The following ZC3H12B variants were observed in gnomAD, a reference collection of about 807,000 sequenced individuals.
ZC3H12B encodes the protein zinc finger CCCH-type containing 12B, also known as probable ribonuclease ZC3H12B.
ZC3H12B carries 7 observed loss-of-function variants against 43.9 expected under a neutral mutation model. The observed-to-expected ratio is 0.16, with a 90% CI of 0.09 to 0.30. The LOEUF (loss-of-function observed/expected upper bound fraction) is 0.30. ZC3H12B is among the 10% of genes least tolerant of loss of function. The probability of loss-of-function intolerance (pLI) is 1.00; values close to 1 mark genes in which losing one functional copy is unlikely to be tolerated. For missense variants in ZC3H12B, 475 were observed against 670.2 expected, an observed-to-expected ratio of 0.71 and a Z score of 3.22; for synonymous variants, 222 against 241.7, an observed-to-expected ratio of 0.92 and a Z score of 0.76.
chrX:65,163,948 C>T, the ZC3H12B span, among the ~76,000 whole-genome samples: 1 of 111,955 alleles, frequency 8.9e-6, no homozygotes. Context: ...TTAATGTAAG[C>T]AAATATTTTA....
At chrX:65,315,725 C>T in the ZC3H12B span, among the ~76,000 whole-genome samples, 1 of 112,150 alleles carries the variant, frequency 8.9e-6, no homozygotes, top group Non-Finnish European at 1.9e-5. Context: ...TGAGAAAGAA[C>T]CAGCACAAGA....
At chrX:65,226,104 A>C in the ZC3H12B span, among the ~76,000 whole-genome samples, 1 of 111,720 alleles carries the variant, frequency 9.0e-6, no homozygotes, top group Non-Finnish European at 1.9e-5. Context: ...TGAAGGAAAA[A>C]ATGTTAAGGG....
chrX:65,189,029 G>T, the ZC3H12B span, among the ~76,000 whole-genome samples: 4 of 95,923 alleles, frequency 4.2e-5, no homozygotes, highest in Admixed American at 3.7e-4. Context: ...TCTCACCTAT[G>T]AGTGAGAATA....
chrX:65,334,549 G>GA, the ZC3H12B span, among the ~76,000 whole-genome samples: 5 of 111,527 alleles, frequency 4.5e-5, no homozygotes, highest in Non-Finnish European at 9.4e-5. Flanking sequence ...TTGCTTTTCT[G>GA]AAAAAAATAT....
At chrX:65,072,233 T>C in the ZC3H12B span, among the ~76,000 whole-genome samples, 5 of 112,372 alleles carry the variant, frequency 4.4e-5, no homozygotes, top group Admixed American at 4.7e-4. Flanking sequence ...TTCCTCTTGG[T>C]CCATTCTGCT....
chrX:65,096,434 C>T, the ZC3H12B span, among the ~76,000 whole-genome samples: 2 of 111,682 alleles, frequency 1.8e-5, no homozygotes, highest in Non-Finnish European at 3.8e-5. Flanking sequence ...AAATAGACAA[C>T]ATGTAAGAAT....
At chrX:65,438,870 C>A (rs766486978) in intron 3 of ZC3H12B, among the ~76,000 whole-genome samples, 1 of 113,194 alleles carries the variant, frequency 8.8e-6, no homozygotes, top group African/African-American at 3.2e-5. Flanking sequence ...TGTTACATTG[C>A]TGCAGAGATT....
chrX:65,493,267 T>C (rs1295556355), intron 1 of ZC3H12B, among the ~76,000 whole-genome samples: 4 of 109,415 alleles, frequency 3.7e-5, no homozygotes, highest in East Asian at 2.9e-4. Flanking sequence ...ATTAGCCGGG[T>C]GTGGTGGTGG....
At chrX:65,196,151 C>G in the ZC3H12B span, among the ~76,000 whole-genome samples, 2 of 101,392 alleles carry the variant, frequency 2.0e-5, no homozygotes, top group African/African-American at 7.3e-5. Flanking sequence ...AGTGCCCCCT[C>G]GAAAGGTGCG....
the ZC3H12B span, among the ~76,000 whole-genome samples, chrX:65,268,977 A>T: frequency 8.9e-6 from 1 of 112,486 alleles, no homozygotes; most frequent in Non-Finnish European, 1.9e-5. Context: ...TTAGAAAATC[A>T]TAAAGATAAA....
the ZC3H12B span, chrX:65,273,107 T>C: frequency 1.8e-5 from 2 of 112,409 alleles, no homozygotes; most frequent in East Asian, 5.6e-4. Flanking sequence ...TTGGTTATCC[T>C]TGATTTTTGG....
At chrX:65,309,488 A>T in the ZC3H12B span, among the ~76,000 whole-genome samples, 1 of 112,243 alleles carries the variant, frequency 8.9e-6, no homozygotes, top group Non-Finnish European at 1.9e-5. Context: ...AGGCTCTGAA[A>T]TTCAGGCAAT....
At chrX:65,503,116 C>T in exon 5 of ZC3H12B, 1 of 1,211,515 alleles carries the variant, frequency 8.3e-7, no homozygotes, top group Non-Finnish European at 1.1e-6. Context: ...TCCCTTCTAA[C>T]ATCGTCCTTG....
chrX:65,186,537 T>C, the ZC3H12B span: 1 of 109,413 alleles, frequency 9.1e-6, no homozygotes, highest in South Asian at 4.0e-4. Flanking sequence ...TATTTCTTTT[T>C]TTTTTTTAAT....
the ZC3H12B span, among the ~76,000 whole-genome samples, chrX:65,293,810 C>G: frequency 2.2e-4 from 24 of 110,964 alleles, no homozygotes; most frequent in Admixed American, 6.7e-4. Context: ...AGACAAAGAA[C>G]AAAGAATTTA....
chrX:65,488,266 T>C (rs2148223038), upstream of ZC3H12B, among the ~76,000 whole-genome samples: 1 of 110,554 alleles, frequency 9.0e-6, no homozygotes, highest in African/African-American at 3.3e-5. Context: ...AAAGAGAGTC[T>C]TTCCATGGAA....
intron 2 of ZC3H12B, among the ~76,000 whole-genome samples, chrX:65,374,211 T>C (rs1359201944): frequency 1.2e-5 from 1 of 83,618 alleles, no homozygotes; most frequent in African/African-American, 4.7e-5. Context: ...TTATATATAG[T>C]TATATATGTA....
chrX:65,256,749 C>T, the ZC3H12B span, among the ~76,000 whole-genome samples: 1 of 111,779 alleles, frequency 8.9e-6, no homozygotes, highest in Non-Finnish European at 1.9e-5. Flanking sequence ...AGAATCCAGA[C>T]GTTGGTTTGT....
chrX:65,201,189 C>T, the ZC3H12B span, among the ~76,000 whole-genome samples: 1 of 111,269 alleles, frequency 9.0e-6, no homozygotes, highest in African/African-American at 3.3e-5. Context: ...TTATTTTTTT[C>T]AGTTGGTAGG....
Sources: allele counts gnomAD v4.1 joint callset (sites outside exome capture counted in the v4.1 genomes callset), GRCh38; gene constraint gnomAD v4.1.1; transcripts MANE v1.5; gene names NCBI Gene and HGNC (gene_info 2026-07-23, HGNC 2026-07-21).